The following PALM2AKAP2 variants were observed in gnomAD, a reference collection of about 807,000 sequenced individuals.
PALM2AKAP2 encodes PALM2 and AKAP2 fusion.
A neutral mutation model predicts 71.5 loss-of-function variants in PALM2AKAP2; 37 were observed. The ratio of observed to expected loss-of-function variants is 0.52; its 90% CI spans 0.40 to 0.68. The LOEUF is 0.68. Among genes scored for constraint, PALM2AKAP2 ranks in the 30% least tolerant of loss-of-function variants. The pLI is 0.00. For missense variants in PALM2AKAP2, 1,224 were observed against 1,191.8 expected (o/e 1.03, Z -0.40); for synonymous variants, 468 against 478.8 (o/e 0.98, Z 0.29).
chr9:109,779,047 G>C (rs1420895519), upstream of PALM2AKAP2, among the ~76,000 whole-genome samples: 1 of 152,166 alleles, frequency 6.6e-6, no homozygotes, highest in Non-Finnish European at 1.5e-5. Context: ...TGGGATTACA[G>C]GTGTGAGCCA....
At position 109,762,157 on chromosome 9, in the gene PALM2AKAP2, A is replaced by AT. The variant is rs58791123; in HGVS notation, c.6-18318dup. ...TTCCTCAAGGATCTAGAAGGACAGA[A>AT]TTTTTTTTTTTTTAATGGTATTGTT... On this transcript the variant is annotated intron_variant, in intron 1 of 6. Transcript: ENST00000374531. Among the ~76,000 whole-genome samples the AT allele has an allele frequency of 7.5e-3, 1,109 of 148,478 alleles. 8 individuals are homozygous for AT. Among genetic ancestry groups the AT allele is most frequent in the Non-Finnish European group, 8.8e-3 (590 of 66,930 alleles).
intron 1 of PALM2AKAP2, among the ~76,000 whole-genome samples, chr9:109,753,654 C>T (rs141359292): frequency 0.012 from 1,854 of 152,164 alleles, 47 homozygotes; most frequent in African/African-American, 0.042. Context: ...GATGCTTTTC[C>T]ATATATCATG....
intron 1 of PALM2AKAP2, among the ~76,000 whole-genome samples, chr9:109,761,884 T>A (rs1353098510): frequency 6.6e-6 from 1 of 152,206 alleles, no homozygotes; most frequent in African/African-American, 2.4e-5. Flanking sequence ...TTTGGGTATA[T>A]ACCCAGTAAT....
rs193034898 is a variant in PALM2AKAP2 at position 109,721,345 on chromosome 9, C to A, written c.6-59143C>A. Among the ~76,000 whole-genome samples, 340 of 152,300 alleles carry A rather than the reference C, an allele frequency of 2.2e-3. 1 individual carries two copies. Among genetic ancestry groups the A allele is most frequent in the African/African-American group, 7.8e-3 (323 of 41,562 alleles). On this transcript the variant is annotated intron_variant, in intron 1 of 6. Coordinates refer to the PALM2AKAP2 transcript ENST00000374531. ...GAGCAGCAAAGGTCATGGTTCAAAT[C>A]TGAGGTGGCAGATTCTGAGGACAAA...
chr9:109,869,367 C>T (rs182390774), intron 2 of PALM2AKAP2, among the ~76,000 whole-genome samples: 2 of 152,214 alleles, frequency 1.3e-5, no homozygotes, highest in South Asian at 2.1e-4. Flanking sequence ...CTCGCTCTGT[C>T]GCTCAGGCTG....
intron 1 of PALM2AKAP2, among the ~76,000 whole-genome samples, chr9:109,757,294 T>G (rs1828978639): frequency 6.6e-6 from 1 of 152,134 alleles, no homozygotes; most frequent in African/African-American, 2.4e-5. Context: ...AAGAGAACAT[T>G]TAGTGGCAAA....
chr9:110,137,769 A>C (rs376250463), exon 2 of PALM2AKAP2: 1 of 1,614,182 alleles, frequency 6.2e-7, no homozygotes, highest in Non-Finnish European at 8.5e-7. Flanking sequence ...GAGACAACCA[A>C]TGCCCTCCAG....
At chr9:109,935,663 T>C (rs1831202664) in intron 6 of PALM2AKAP2, among the ~76,000 whole-genome samples, 1 of 152,206 alleles carries the variant, frequency 6.6e-6, no homozygotes. Flanking sequence ...AGCCATGATG[T>C]CAAGCTCCTT....
chr9:109,845,096 A>G (rs13300030), intron 1 of PALM2AKAP2, among the ~76,000 whole-genome samples: 25,240 of 152,234 alleles, frequency 0.17, 2,404 homozygotes, highest in East Asian at 0.3. Context: ...AGGCCACTAC[A>G]GCTGCCTCTG....
chr9:109,967,366 C>G (rs900418707), intron 6 of PALM2AKAP2, among the ~76,000 whole-genome samples: 1 of 152,094 alleles, frequency 6.6e-6, no homozygotes, highest in Non-Finnish European at 1.5e-5. Flanking sequence ...AAGCAAGGCA[C>G]TAAGGCCAGC....
rs1758141728 is a variant in PALM2AKAP2, at chr9:109,657,938, T to TGTTTG, written c.5+17072_5+17073insGTTTG. On this transcript the variant is annotated intron_variant, in intron 1 of 6. Coordinates refer to the PALM2AKAP2 transcript ENST00000374531. ...ATTGAGCTCACAGATTTGTGTGTGT[T>TGTTTG]TGTGTGTGTGTGTGTGTGTGTGTGT... 3.4e-4 allele frequency among the ~76,000 whole-genome samples: 48 copies of TGTTTG among 142,544 alleles called. 1 individual carries two copies. The highest frequency in any genetic ancestry group is 1.3e-3 in the African/African-American group (48 of 37,850). The allele number at this position is 142,544 out of a possible 152,430, so 93.5% of individuals were successfully genotyped here.
chr9:109,646,105 G>A (rs1057069460), intron 1 of PALM2AKAP2, among the ~76,000 whole-genome samples: 1 of 152,182 alleles, frequency 6.6e-6, no homozygotes, highest in Non-Finnish European at 1.5e-5. Flanking sequence ...CTCTGTACTG[G>A]ATGTGTAGAA....
rs181334260 is a variant in PALM2AKAP2, at chr9:109,656,422, A to T, written c.5+15556A>T. 6.6e-5 allele frequency among the ~76,000 whole-genome samples: 10 copies of T among 152,304 alleles called. No individual in the cohort carries two copies. In the East Asian group the frequency reaches 1.9e-3, roughly 29 times the overall value. On this transcript the variant is annotated intron_variant, in intron 1 of 6. Transcript: ENST00000374531. ...TCTTCCTTTTGCAAACTTTACAAAA[A>T]CATGCCCATCCCTTGAAAACACATT...
chr9:109,662,354 T>C (rs1477492249), intron 1 of PALM2AKAP2, among the ~76,000 whole-genome samples: 1 of 152,206 alleles, frequency 6.6e-6, no homozygotes, highest in East Asian at 1.9e-4. Flanking sequence ...AGTACCTTGT[T>C]TTTTGAGAGT....
intron 7 of PALM2AKAP2, among the ~76,000 whole-genome samples, chr9:110,039,811 C>T (rs260203): frequency 0.67 from 101,561 of 152,052 alleles, 34,478 homozygotes; most frequent in African/African-American, 0.8. Context: ...GACTCATCAA[C>T]GCCTGAGCCC....
At chr9:109,647,328 T>C (rs1240371281) in intron 1 of PALM2AKAP2, among the ~76,000 whole-genome samples, 1 of 152,206 alleles carries the variant, frequency 6.6e-6, no homozygotes. Flanking sequence ...CTGCTTAGTA[T>C]TTACTTTTGG....
intron 1 of PALM2AKAP2, among the ~76,000 whole-genome samples, chr9:109,756,980 G>A (rs1254427022): frequency 1.3e-5 from 2 of 152,036 alleles, no homozygotes; most frequent in Non-Finnish European, 2.9e-5. Context: ...AACATTTCAA[G>A]TCCTCTTTCT....
chr9:109,854,298 A>G lies in PALM2AKAP2; in HGVS notation c.46-13193A>G, dbSNP rs147478399. Among the ~76,000 whole-genome samples, 1,000 of 152,354 alleles carry G rather than the reference A, an allele frequency of 6.6e-3. 15 individuals are homozygous for G. The highest frequency in any genetic ancestry group is 0.023 in the African/African-American group (959 of 41,578). On this transcript the variant is annotated intron_variant, in intron 1 of 9. Transcript: ENST00000302798. ...GAGCAAGAGCTCTGGATTTGCCATC[A>G]TCAGCTGAGGATTCTGAATTAGGAA... is the stretch of plus-strand genomic sequence containing the variant.
intron 1 of PALM2AKAP2, among the ~76,000 whole-genome samples, chr9:109,669,567 C>G (rs539451575): frequency 1.3e-5 from 2 of 152,114 alleles, no homozygotes; most frequent in South Asian, 4.1e-4. Context: ...GTGAAATGAT[C>G]TGGATTGAAT....
Sources: allele counts gnomAD v4.1 joint callset (sites outside exome capture counted in the v4.1 genomes callset), GRCh38; gene constraint gnomAD v4.1.1; transcripts MANE v1.5; gene names NCBI Gene and HGNC (gene_info 2026-07-23, HGNC 2026-07-21).